Variants in INO80 observed in about 807,000 individuals in gnomAD.
INO80 encodes the protein INO80 complex ATPase subunit, also known as chromatin-remodeling ATPase INO80.
In INO80, 20 loss-of-function variants were observed where a neutral mutation model predicts 203.4. The observed-to-expected ratio is 0.10, with a 90% CI of 0.07 to 0.14. INO80 has a LOEUF of 0.14. Ranked by LOEUF, INO80 falls within the 10% of genes least tolerant of loss-of-function variation. The pLI is 1.00. For missense variants in INO80, 1,419 were observed against 1,914.4 expected, an observed-to-expected ratio of 0.74 and a Z score of 4.83; for synonymous variants, 726 against 685.2, an observed-to-expected ratio of 1.06 and a Z score of -0.93.
At chr15:41,087,718 T>A (rs751240536) in intron 5 of INO80, 36 bp from the exon 6 acceptor site, 5 of 1,580,584 alleles carry the variant, frequency 3.2e-6, no homozygotes, top group Non-Finnish European at 1.7e-6. Context: ...GCCTGTTTTC[T>A]ATAGTACAGC....
At chr15:41,012,526 G>A (rs2044145999) in intron 27 of INO80, among the ~76,000 whole-genome samples, 1 of 128,526 alleles carries the variant, frequency 7.8e-6, no homozygotes, top group Non-Finnish European at 1.6e-5. Context: ...TCCCGCCATT[G>A]CACTCCAGCC....
At chr15:41,024,770 A>T (rs2044351246) in intron 25 of INO80, 1 of 152,230 alleles carries the variant, frequency 6.6e-6, no homozygotes, top group African/African-American at 2.4e-5. Flanking sequence ...TTTTCATAGC[A>T]TGTGTCAGAG....
chr15:41,076,380 A>AAAACC (rs1037102807), intron 9 of INO80, among the ~76,000 whole-genome samples: 1 of 151,858 alleles, frequency 6.6e-6, no homozygotes, highest in African/African-American at 2.4e-5. Flanking sequence ...AAAACAAAAC[A>AAAACC]AAACCCAACA....
chr15:41,010,752 C>A (rs2044122386), intron 27 of INO80, among the ~76,000 whole-genome samples: 2 of 152,188 alleles, frequency 1.3e-5, no homozygotes, highest in Admixed American at 1.3e-4. Context: ...CTATTACCAA[C>A]CTTTCATTCT....
At chr15:41,038,025 T>TG (rs2044608992) in intron 24 of INO80, among the ~76,000 whole-genome samples, 1 of 141,458 alleles carries the variant, frequency 7.1e-6, no homozygotes, top group Admixed American at 7.0e-5. Context: ...TTTTTTTTTT[T>TG]TTTTTTTGAG....
chr15:41,065,426 C>T (rs2045192668), intron 14 of INO80, among the ~76,000 whole-genome samples: 1 of 152,060 alleles, frequency 6.6e-6, no homozygotes, highest in African/African-American at 2.4e-5. Context: ...CAGAGCAAGA[C>T]TCTGTGTCAT....
intron 24 of INO80, among the ~76,000 whole-genome samples, chr15:41,028,374 G>A (rs1319833186): frequency 1.3e-5 from 2 of 152,140 alleles, no homozygotes; most frequent in South Asian, 2.1e-4. Flanking sequence ...GACCTCAGGT[G>A]ATCCGCCTGC....
chr15:41,005,905 C>G (rs745942711), intron 27 of INO80, among the ~76,000 whole-genome samples: 3 of 148,028 alleles, frequency 2.0e-5, no homozygotes, highest in Non-Finnish European at 4.4e-5. Flanking sequence ...TATAATCACT[C>G]TCAATTTCAG....
At chr15:41,105,281 T>C in intron 1 of INO80, among the ~76,000 whole-genome samples, 1 of 152,202 alleles carries the variant, frequency 6.6e-6, no homozygotes, top group East Asian at 1.9e-4. Flanking sequence ...AGCTTGGGGG[T>C]TGGGGGGGCA....
intron 21 of INO80, 42 bp downstream of exon 21, chr15:41,049,245 T>C: frequency 6.5e-7 from 1 of 1,530,142 alleles, no homozygotes; most frequent in Non-Finnish European, 8.8e-7. Context: ...AAACTGTAAA[T>C]TATAAAACAC....
At chr15:41,105,982 G>T (rs1034596328) in intron 1 of INO80, among the ~76,000 whole-genome samples, 1 of 152,112 alleles carries the variant, frequency 6.6e-6, no homozygotes, top group Non-Finnish European at 1.5e-5. Flanking sequence ...CCGGGGCCAG[G>T]TGTGTTGGCT....
intron 35 of INO80, among the ~76,000 whole-genome samples, chr15:40,980,788 C>T (rs910946585): frequency 5.9e-5 from 9 of 152,184 alleles, no homozygotes; most frequent in African/African-American, 1.9e-4. Flanking sequence ...TAGGCACAAA[C>T]AGGTTTTTCC....
intron 23 of INO80, among the ~76,000 whole-genome samples, chr15:41,045,859 C>T (rs1443034931): frequency 1.3e-5 from 2 of 151,586 alleles, no homozygotes; most frequent in African/African-American, 4.9e-5. Context: ...CAAAATCGAG[C>T]CACTGCACTC....
At chr15:41,076,480 T>A (rs76535423) in intron 9 of INO80, among the ~76,000 whole-genome samples, 2 of 147,198 alleles carry the variant, frequency 1.4e-5, no homozygotes, top group African/African-American at 2.7e-5. Context: ...TTTTTTTTTT[T>A]AATGTCAGAA....
intron 9 of INO80, among the ~76,000 whole-genome samples, chr15:41,079,458 C>A (rs1037889201): frequency 4.0e-5 from 6 of 151,868 alleles, no homozygotes; most frequent in African/African-American, 1.2e-4. Flanking sequence ...AAATCACCAT[C>A]CTCAAAATTA....
chr15:41,069,492 A>T, intron 14 of INO80, 78 bp downstream of exon 14: 2 of 831,018 alleles, frequency 2.4e-6, no homozygotes, highest in Non-Finnish European at 3.8e-6. Context: ...TGTTATGAGT[A>T]ATTAGTAGGG....
At chr15:41,066,846 C>CAA (rs58118605) in intron 14 of INO80, among the ~76,000 whole-genome samples, 4 of 70,602 alleles carry the variant, frequency 5.7e-5, no homozygotes, top group Middle Eastern at 8.1e-3. Context: ...AAAAAAAAAG[C>CAA]AAAAAAAAAA....
intron 25 of INO80, among the ~76,000 whole-genome samples, chr15:41,023,073 C>T (rs571250112): frequency 1.5e-4 from 22 of 148,756 alleles, no homozygotes; most frequent in Non-Finnish European, 2.4e-4. Context: ...TGCACTCCAG[C>T]CTGGGCAACA....
chr15:40,983,410 G>A (rs1160368571), intron 34 of INO80, among the ~76,000 whole-genome samples: 2 of 152,108 alleles, frequency 1.3e-5, no homozygotes, highest in African/African-American at 4.8e-5. Flanking sequence ...ATGTGCTCTT[G>A]CCTTGGAGAG....
Sources: gnomAD v4.1 joint callset for allele counts (sites outside exome capture counted in the v4.1 genomes callset) on GRCh38, gnomAD v4.1.1 for gene constraint, MANE v1.5 for transcripts, NCBI Gene and HGNC (gene_info 2026-07-23, HGNC 2026-07-21) for gene names.